The following CHST11 variants were observed in gnomAD, a reference collection of about 807,000 sequenced individuals.
CHST11 encodes C4S-1.
In CHST11, 9 loss-of-function variants were observed where a neutral mutation model predicts 30.4. That is an observed-to-expected ratio of 0.30 (90% CI 0.18 to 0.52). The LOEUF (loss-of-function observed/expected upper bound fraction) is 0.52, where lower values mean the gene tolerates loss of function less well. Ranked by LOEUF, CHST11 falls within the 20% of genes least tolerant of loss-of-function variation. The probability of loss-of-function intolerance (pLI) is 0.97; values close to 1 mark genes in which losing one functional copy is unlikely to be tolerated. For synonymous variants in CHST11, 152 were observed against 187.8 expected, an observed-to-expected ratio of 0.81 and a Z score of 1.56; for missense variants, 348 against 460.6, an observed-to-expected ratio of 0.76 and a Z score of 2.24.
intron 2 of CHST11, among the ~76,000 whole-genome samples, chr12:104,725,873 G>A (rs147199760): frequency 6.6e-6 from 1 of 152,112 alleles, no homozygotes; most frequent in Non-Finnish European, 1.5e-5. Context: ...ACAAGGTAGG[G>A]CAGTCACCAT....
chr12:104,463,551 A>G (rs1173958028), intron 1 of CHST11, among the ~76,000 whole-genome samples: 1 of 152,184 alleles, frequency 6.6e-6, no homozygotes, highest in Non-Finnish European at 1.5e-5. Context: ...GAGATGTAAC[A>G]CATACATACA....
chr12:104,696,496 A>AAAAAAAAAAAT, intron 2 of CHST11, among the ~76,000 whole-genome samples: 1 of 149,776 alleles, frequency 6.7e-6, no homozygotes, highest in African/African-American at 2.4e-5. Flanking sequence ...AAAAAAAAAA[A>AAAAAAAAAAAT]AAAAAAAAAA....
chr12:104,649,847 A>G (rs1399366494), intron 2 of CHST11, among the ~76,000 whole-genome samples: 1 of 152,200 alleles, frequency 6.6e-6, no homozygotes, highest in African/African-American at 2.4e-5. Context: ...CTCACATAAT[A>G]AAGTCACCTT....
At position 104,633,412 on chromosome 12, in the gene CHST11, C is replaced by CTTT. The variant is rs34686417; in HGVS notation, c.204+31439_204+31441dup. Among the ~76,000 whole-genome samples, 518 of 111,850 alleles carry CTTT rather than the reference C, an allele frequency of 4.6e-3. 33 individuals carry two copies. The highest frequency in any genetic ancestry group is 0.014 in the African/African-American group (418 of 28,924). The allele number at this position is 111,850 out of a possible 152,430, so 73.4% of individuals were successfully genotyped here. ...ACTGCATGTGCTCCTCTCCCTCTGT[C>CTTT]TTTTTTTTTTTTTTTTTTTTGAGAT... On this transcript the variant is annotated intron_variant, in intron 2 of 2. Transcript: ENST00000303694.
intron 2 of CHST11, among the ~76,000 whole-genome samples, chr12:104,710,849 T>G (rs1022494621): frequency 6.6e-6 from 1 of 152,176 alleles, no homozygotes; most frequent in Non-Finnish European, 1.5e-5. Flanking sequence ...TCCAGCAAAC[T>G]TCTCTACAGC....
intron 2 of CHST11, among the ~76,000 whole-genome samples, chr12:104,614,845 G>T (rs545042769): frequency 2.6e-5 from 4 of 152,054 alleles, no homozygotes; most frequent in Non-Finnish European, 5.9e-5. Context: ...GGGGAGAGGG[G>T]AGAAAGGAGA....
intron 1 of CHST11, among the ~76,000 whole-genome samples, chr12:104,497,076 C>T (rs115080890): frequency 0.016 from 2,408 of 152,280 alleles, 69 homozygotes; most frequent in African/African-American, 0.053. Context: ...TGTCATAAGA[C>T]GTTCACTTAA....
At chr12:104,569,546 TGCATCATA>T (rs1204677237) in intron 1 of CHST11, among the ~76,000 whole-genome samples, 2 of 152,170 alleles carry the variant, frequency 1.3e-5, no homozygotes, top group African/African-American at 4.8e-5. Context: ...TGTGGCTGAG[TGCATCATA>T]GCTCTTAGGT....
intron 2 of CHST11, among the ~76,000 whole-genome samples, chr12:104,630,696 G>A (rs543748694): frequency 6.6e-5 from 10 of 152,312 alleles, no homozygotes; most frequent in African/African-American, 2.2e-4. Flanking sequence ...GTGGGTGCAC[G>A]TGCCCCTATT....
intron 1 of CHST11, among the ~76,000 whole-genome samples, chr12:104,575,782 C>T (rs186102956): frequency 1.3e-5 from 2 of 152,142 alleles, no homozygotes; most frequent in East Asian, 2.0e-4. Context: ...GCCACTGCTT[C>T]GTCAGAAGGG....
intron 2 of CHST11, among the ~76,000 whole-genome samples, chr12:104,736,527 C>A (rs976870449): frequency 1.3e-5 from 2 of 152,168 alleles, no homozygotes; most frequent in Non-Finnish European, 2.9e-5. Context: ...GAGAAAATGC[C>A]CTGCCCTCCT....
chr12:104,610,300 T>C (rs974509438), intron 2 of CHST11, among the ~76,000 whole-genome samples: 1 of 152,218 alleles, frequency 6.6e-6, no homozygotes, highest in Non-Finnish European at 1.5e-5. Context: ...TCGTCCACAT[T>C]TAACTCAAGC....
intron 2 of CHST11, among the ~76,000 whole-genome samples, chr12:104,708,819 C>T (rs1340132886): frequency 1.3e-5 from 2 of 152,224 alleles, no homozygotes; most frequent in Admixed American, 1.3e-4. Context: ...GGCTCCAGCA[C>T]GATGACCCTG....
chr12:104,643,108 G>A (rs571053485), intron 2 of CHST11, among the ~76,000 whole-genome samples: 5 of 152,248 alleles, frequency 3.3e-5, no homozygotes, highest in South Asian at 2.1e-4. Context: ...AGGATCACTC[G>A]AGGCTGGGAG....
intron 1 of CHST11, among the ~76,000 whole-genome samples, chr12:104,521,074 T>C (rs1362189943): frequency 1.3e-5 from 2 of 152,244 alleles, no homozygotes; most frequent in Non-Finnish European, 2.9e-5. Flanking sequence ...AGGATAATAG[T>C]TGATCTCAGT....
chr12:104,518,268 G>A (rs2038044025), intron 1 of CHST11, among the ~76,000 whole-genome samples: 1 of 152,102 alleles, frequency 6.6e-6, no homozygotes, highest in South Asian at 2.1e-4. Flanking sequence ...GCCTGGGTGA[G>A]AGAGCGAGAC....
intron 2 of CHST11, among the ~76,000 whole-genome samples, chr12:104,607,532 G>A (rs1231129839): frequency 6.6e-6 from 1 of 152,096 alleles, no homozygotes; most frequent in African/African-American, 2.4e-5. Flanking sequence ...TCTGAGGGGC[G>A]GTGCGCAGTG....
intron 1 of CHST11, among the ~76,000 whole-genome samples, chr12:104,556,436 A>C (rs1006320273): frequency 2.0e-5 from 3 of 152,174 alleles, no homozygotes; most frequent in Non-Finnish European, 4.4e-5. Context: ...GGTTGCTTGA[A>C]ACAGACATTT....
intron 2 of CHST11, among the ~76,000 whole-genome samples, chr12:104,637,504 C>A (rs542236823): frequency 1.2e-4 from 19 of 152,094 alleles, no homozygotes; most frequent in South Asian, 2.1e-4. Context: ...TTTAAAAAAA[C>A]CACAAAAACC....
Sources: allele counts gnomAD v4.1 joint callset (sites outside exome capture counted in the v4.1 genomes callset), GRCh38; gene constraint gnomAD v4.1.1; transcripts MANE v1.5; gene names NCBI Gene and HGNC (gene_info 2026-07-23, HGNC 2026-07-21).